Variants in SEMA3A observed in about 807,000 individuals in gnomAD.
SEMA3A encodes the protein semaphorin 3A.
In SEMA3A, 29 loss-of-function variants were observed where a neutral mutation model predicts 97.9. The observed-to-expected ratio is 0.30, with a 90% CI of 0.22 to 0.40. The LOEUF (loss-of-function observed/expected upper bound fraction) is 0.40. SEMA3A is among the 10% of genes least tolerant of loss of function. SEMA3A has a pLI of 1.00. For synonymous variants in SEMA3A, 321 were observed against 323.7 expected (o/e 0.99, Z 0.09); for missense variants, 763 against 951.3 (o/e 0.80, Z 2.60).
At chr7:84,378,269 C>T (rs1018116043) in intron 1 of SEMA3A, among the ~76,000 whole-genome samples, 4 of 151,984 alleles carry the variant, frequency 2.6e-5, no homozygotes, top group Non-Finnish European at 5.9e-5. Context: ...AATATATATA[C>T]AGTGGCACTA....
chr7:84,318,531 C>A (rs2115898564), intron 2 of SEMA3A, among the ~76,000 whole-genome samples: 1 of 151,776 alleles, frequency 6.6e-6, no homozygotes, highest in East Asian at 1.9e-4. Flanking sequence ...ACCGTTTTAG[C>A]CGGGATGGTC....
At chr7:84,469,367 A>T (rs2116406016) in intron 1 of SEMA3A, among the ~76,000 whole-genome samples, 1 of 152,296 alleles carries the variant, frequency 6.6e-6, no homozygotes, top group South Asian at 2.1e-4. Flanking sequence ...TGGTTTAAAC[A>T]GAAGAAAAGA....
chr7:84,168,591 G>A lies in SEMA3A; in HGVS notation c.112+25884C>T, dbSNP rs75929021. Among the ~76,000 whole-genome samples the A allele has an allele frequency of 9.3e-3, 1,408 of 151,928 alleles. 28 individuals are homozygous for A. Among genetic ancestry groups the A allele is most frequent in the African/African-American group, 0.032 (1,339 of 41,494 alleles). On this transcript the variant is annotated intron_variant, in intron 1 of 16. Coordinates refer to ENST00000265362, the MANE Select transcript of SEMA3A (RefSeq NM_006080.3). Reference sequence around the variant, plus strand: ...AATATAACTGGCAGTAGAAATCGACGTATTTTCCAAATTAAAATAGCATGT... The same window carrying A: ...AATATAACTGGCAGTAGAAATCGACATATTTTCCAAATTAAAATAGCATGT...
chr7:84,347,894 G>A (rs1172137680), intron 2 of SEMA3A, among the ~76,000 whole-genome samples: 1 of 152,132 alleles, frequency 6.6e-6, no homozygotes, highest in Non-Finnish European at 1.5e-5. Flanking sequence ...TCAGAGTGAT[G>A]GACATGTTTC....
Position 84,283,569 on chromosome 7 carries a change from CA to C in SEMA3A, c.-83+23637del, listed in dbSNP as rs962736013. ...GAAGTTGGCAACTGATTGCATGTGG[CA>C]AAAAAAAAAGAGGATATTAACAAAA... On this transcript the variant is annotated intron_variant, in intron 3 of 3. Coordinates refer to the SEMA3A transcript ENST00000424555. Among the ~76,000 whole-genome samples, 864 of 140,958 alleles carry C rather than the reference CA, an allele frequency of 6.1e-3. 9 individuals are homozygous for C. Among genetic ancestry groups the C allele is most frequent in the African/African-American group, 0.019 (741 of 38,396 alleles). The allele number at this position is 140,958 out of a possible 152,430, so 92.5% of individuals were successfully genotyped here. A position where few individuals can be genotyped will look rare whatever the true frequency, so the allele number is the denominator to read the frequency against.
chr7:84,123,696 A>G (rs1795701389), intron 3 of SEMA3A, among the ~76,000 whole-genome samples: 1 of 148,806 alleles, frequency 6.7e-6, no homozygotes, highest in South Asian at 2.1e-4. Context: ...GTTATCAGAT[A>G]AACATATATT....
At chr7:84,138,940 A>T (rs2116063177) in intron 1 of SEMA3A, among the ~76,000 whole-genome samples, 1 of 152,182 alleles carries the variant, frequency 6.6e-6, no homozygotes, top group East Asian at 1.9e-4. Flanking sequence ...TTCCAAATCT[A>T]GTTCTCAGAT....
intron 1 of SEMA3A, among the ~76,000 whole-genome samples, chr7:84,151,807 G>T (rs1395889086): frequency 6.6e-6 from 1 of 152,022 alleles, no homozygotes; most frequent in East Asian, 1.9e-4. Flanking sequence ...CTGACAAAGG[G>T]CTAATATCCA....
At chr7:84,245,096 G>A (rs746228867) in intron 3 of SEMA3A, among the ~76,000 whole-genome samples, 40 of 152,048 alleles carry the variant, frequency 2.6e-4, no homozygotes, top group Non-Finnish European at 4.0e-4. Context: ...GAATATCTTT[G>A]TGGTGCTCGC....
At chr7:84,399,722 C>T (rs1803846996) in intron 1 of SEMA3A, among the ~76,000 whole-genome samples, 1 of 152,192 alleles carries the variant, frequency 6.6e-6, no homozygotes, top group Non-Finnish European at 1.5e-5. Flanking sequence ...GCAGGACTCA[C>T]CACTAGGTGC....
At chr7:83,981,573 A>G (rs1676770419) in intron 13 of SEMA3A, 95 bp from the exon 14 acceptor site, 2 of 1,060,608 alleles carry the variant, frequency 1.9e-6, no homozygotes, top group South Asian at 2.3e-5. Context: ...AACTTCTCAG[A>G]GATAAATTAA....
upstream of SEMA3A, chr7:84,195,540 T>A (rs1449770501): frequency 1.3e-5 from 2 of 151,900 alleles, no homozygotes; most frequent in Non-Finnish European, 2.9e-5. Flanking sequence ...CCCCCTGGGC[T>A]CAACCACCCC....
At chr7:84,382,596 C>T (rs1803290332) in intron 1 of SEMA3A, among the ~76,000 whole-genome samples, 1 of 149,556 alleles carries the variant, frequency 6.7e-6, no homozygotes, top group East Asian at 2.0e-4. Flanking sequence ...CAGTGGCTCA[C>T]GCCTGTAATC....
chr7:84,271,627 A>C (rs964691042), intron 3 of SEMA3A, among the ~76,000 whole-genome samples: 8 of 152,140 alleles, frequency 5.3e-5, no homozygotes, highest in African/African-American at 1.9e-4. Flanking sequence ...TAATTCTGAC[A>C]CTTGAGGAGA....
intron 1 of SEMA3A, among the ~76,000 whole-genome samples, chr7:84,459,976 G>A (rs1369353457): frequency 6.6e-6 from 1 of 152,142 alleles, no homozygotes; most frequent in Non-Finnish European, 1.5e-5. Context: ...GCAGTGAGCT[G>A]AGATAGCATC....
Position 84,002,846 on chromosome 7 carries a change from A to G in SEMA3A, c.1361-800T>C, listed in dbSNP as rs1027388577. ...TTGTTTTTCTAATTTGCATTGTTAA[A>G]AGAGACAACTTGTTTTAATGACAAG... On this transcript the variant is annotated intron_variant, in intron 11 of 16. Coordinates refer to ENST00000265362, the MANE Select transcript of SEMA3A (RefSeq NM_006080.3). Among the ~76,000 whole-genome samples the G allele has an allele frequency of 3.9e-5, 6 of 152,170 alleles. 1 individual carries two copies. Among genetic ancestry groups the G allele is most frequent in the Admixed American group, 1.3e-4 (2 of 15,278 alleles).
rs140054460 is a variant in SEMA3A, at chr7:84,438,623, A to G, written c.-246+53837T>C. On this transcript the variant is annotated intron_variant, in intron 1 of 3. Coordinates refer to the SEMA3A transcript ENST00000424555. ...CCATCGGGAAGTCATGCCTTTCACA[A>G]TAAAACTTGAAAAGCAAGAACATTT... is the stretch of plus-strand genomic sequence containing the variant. Among the ~76,000 whole-genome samples the G allele has an allele frequency of 4.3e-3, 647 of 152,214 alleles. 4 individuals are homozygous for G. The highest frequency in any genetic ancestry group is 0.014 in the African/African-American group (600 of 41,570).
At chr7:84,447,333 A>T (rs1405973422) in intron 1 of SEMA3A, among the ~76,000 whole-genome samples, 1 of 152,152 alleles carries the variant, frequency 6.6e-6, no homozygotes, top group African/African-American at 2.4e-5. Context: ...TCCTGGGCGG[A>T]GAGACGGTCC....
chr7:84,041,766 TCTG>T (rs1562991226), intron 6 of SEMA3A, among the ~76,000 whole-genome samples: 2 of 152,076 alleles, frequency 1.3e-5, no homozygotes, highest in African/African-American at 4.8e-5. Flanking sequence ...CTAACACTCA[TCTG>T]CTCAAATAAC....
Sources: gnomAD v4.1 joint callset for allele counts (sites outside exome capture counted in the v4.1 genomes callset) on GRCh38, gnomAD v4.1.1 for gene constraint, MANE v1.5 for transcripts, NCBI Gene and HGNC (gene_info 2026-07-23, HGNC 2026-07-21) for gene names.